HS3ST5: variants seen among roughly 807,000 people sequenced by gnomAD.
HS3ST5 encodes the protein heparan sulfate-glucosamine 3-sulfotransferase 5.
Under a neutral mutation model 25.4 loss-of-function variants are expected in HS3ST5, and 10 were observed. The observed-to-expected ratio is 0.39, with a 90% CI of 0.24 to 0.67. The LOEUF (loss-of-function observed/expected upper bound fraction) is 0.67, where lower values mean the gene tolerates loss of function less well. Among genes scored for constraint, HS3ST5 ranks in the 30% least tolerant of loss-of-function variants. HS3ST5 has a pLI of 0.44. For missense variants in HS3ST5, 324 were observed against 420.7 expected (o/e 0.77, Z 2.01); for synonymous variants, 170 against 162.4 (o/e 1.05, Z -0.36).
chr6:114,275,975 C>G (rs1191181840), intron 1 of HS3ST5, among the ~76,000 whole-genome samples: 1 of 151,848 alleles, frequency 6.6e-6, no homozygotes, highest in Non-Finnish European at 1.5e-5. Context: ...TTAGGTTGGG[C>G]CCCTTTCCCA....
chr6:114,118,460 A>T (rs1282588404), intron 3 of HS3ST5, among the ~76,000 whole-genome samples: 1 of 152,168 alleles, frequency 6.6e-6, no homozygotes, highest in Non-Finnish European at 1.5e-5. Flanking sequence ...ATGGGAGTTA[A>T]CTGCATTATA....
At chr6:114,178,612 ATTCCCCAAAGTGTT>A (rs959550688) in intron 2 of HS3ST5, 1 of 152,226 alleles carries the variant, frequency 6.6e-6, no homozygotes, top group African/African-American at 2.4e-5. Context: ...TGAAGTTTTA[ATTCCCCAAAGTGTT>A]TTAACACCTG....
chr6:114,107,850 G>A (rs1372452138), intron 3 of HS3ST5, among the ~76,000 whole-genome samples: 1 of 152,206 alleles, frequency 6.6e-6, no homozygotes, highest in Non-Finnish European at 1.5e-5. Context: ...AAAGATGCAT[G>A]TATAAATGGA....
In HS3ST5 at chr6:114,057,952, C is replaced by T. The variant is rs771687741; in HGVS notation, c.346G>A (p.Val116Ile). 1.2e-6 allele frequency: 2 copies of T among 1,614,224 alleles called. No homozygotes were observed. Among genetic ancestry groups the T allele is most frequent in the South Asian group, 2.2e-5 (2 of 91,086 alleles). The change falls in exon 5 of 5, where the codon GTA (valine) becomes ATA (isoleucine). Residue 116 changes from valine (V) to isoleucine (I), a missense_variant. Physicochemically the swap from Val to Ile is conservative, Grantham distance 29 (BLOSUM62 3). Around this residue, in one of 2 missense-constraint regions of HS3ST5, gnomAD observed 203 missense variants for 303.4 expected, o/e 0.67. Transcript: ENST00000312719. ...TGGATTTCTTGAGAGGCTTTGACTA[C>T]TGCCGGATGTAGGTTCAGCATTTCA... ...LLEMLNLHPAVVKASQEIHFF... is the reference protein window; with the variant it reads ...LLEMLNLHPAIVKASQEIHFF...
chr6:114,152,305 A>G (rs1322802986), intron 3 of HS3ST5, among the ~76,000 whole-genome samples: 2 of 152,180 alleles, frequency 1.3e-5, no homozygotes, highest in African/African-American at 4.8e-5. Flanking sequence ...AAGAAAAAGA[A>G]TTATTCCTTG....
At chr6:114,207,655 A>C (rs1432776672) in intron 2 of HS3ST5, among the ~76,000 whole-genome samples, 1 of 152,126 alleles carries the variant, frequency 6.6e-6, no homozygotes, top group African/African-American at 2.4e-5. Context: ...TTGGTTGGAC[A>C]AAAGACTCCC....
chr6:114,251,259 T>C (rs1035403751), intron 1 of HS3ST5, among the ~76,000 whole-genome samples: 16 of 152,166 alleles, frequency 1.1e-4, no homozygotes, highest in African/African-American at 3.4e-4. Context: ...TAAAATCTCA[T>C]ATGGAAGCCC....
intron 3 of HS3ST5, among the ~76,000 whole-genome samples, chr6:114,162,455 T>C (rs1582668072): frequency 6.6e-6 from 1 of 152,334 alleles, no homozygotes; most frequent in South Asian, 2.1e-4. Context: ...TATACCTGAA[T>C]TATTGCAGTA....
At chr6:114,169,172 A>G (rs73767057) in intron 2 of HS3ST5, among the ~76,000 whole-genome samples, 110 of 152,302 alleles carry the variant, frequency 7.2e-4, no homozygotes, top group African/African-American at 2.6e-3. Flanking sequence ...GTAGGACCCT[A>G]ATACATCATT....
chr6:114,152,326 CTTCT>C (rs976094171), intron 3 of HS3ST5, among the ~76,000 whole-genome samples: 6 of 152,050 alleles, frequency 3.9e-5, no homozygotes, highest in African/African-American at 1.4e-4. Context: ...CAAATTCACA[CTTCT>C]TTGTTTCAGT....
intron 1 of HS3ST5, among the ~76,000 whole-genome samples, chr6:114,281,022 G>C (rs1200607805): frequency 6.6e-6 from 1 of 151,918 alleles, no homozygotes; most frequent in Non-Finnish European, 1.5e-5. Flanking sequence ...GTTTGGCCAA[G>C]TTCTTATTAG....
chr6:114,150,452 C>G (rs894057792), intron 3 of HS3ST5, among the ~76,000 whole-genome samples: 2 of 152,198 alleles, frequency 1.3e-5, no homozygotes, highest in Admixed American at 1.3e-4. Flanking sequence ...TGACTAAATA[C>G]ATCAAAATAA....
At chr6:114,119,644 AGGG>A (rs1292573580) in intron 3 of HS3ST5, among the ~76,000 whole-genome samples, 1 of 152,206 alleles carries the variant, frequency 6.6e-6, no homozygotes, top group Non-Finnish European at 1.5e-5. Flanking sequence ...AAATTTTAAA[AGGG>A]TTTGGAACTC....
At chr6:114,244,340 G>T (rs1172980576) in intron 1 of HS3ST5, among the ~76,000 whole-genome samples, 2 of 152,196 alleles carry the variant, frequency 1.3e-5, no homozygotes, top group Non-Finnish European at 2.9e-5. Flanking sequence ...AGAGTGGACA[G>T]AATGTTCAGG....
chr6:114,192,570 G>T (rs991442688), intron 2 of HS3ST5, among the ~76,000 whole-genome samples: 6 of 152,144 alleles, frequency 3.9e-5, no homozygotes, highest in Admixed American at 3.9e-4. Context: ...ACAAAACAAG[G>T]CTTTGTCTTG....
At chr6:114,177,832 T>C (rs938877173) in intron 2 of HS3ST5, among the ~76,000 whole-genome samples, 3 of 152,218 alleles carry the variant, frequency 2.0e-5, no homozygotes, top group Non-Finnish European at 2.9e-5. Context: ...CCATGATCCA[T>C]ATAGTAAACC....
chr6:114,195,113 A>G (rs1024682870), intron 2 of HS3ST5, among the ~76,000 whole-genome samples: 1 of 152,178 alleles, frequency 6.6e-6, no homozygotes, highest in African/African-American at 2.4e-5. Context: ...CGAGAGTTTC[A>G]AGTCATTATT....
chr6:114,339,753 A>G (rs1162401151), intron 1 of HS3ST5, among the ~76,000 whole-genome samples: 1 of 152,218 alleles, frequency 6.6e-6, no homozygotes, highest in African/African-American at 2.4e-5. Context: ...GTCAACATCA[A>G]TTCTCTGAAG....
At chr6:114,074,632 TTCTAAG>T (rs1433591884) in intron 3 of HS3ST5, among the ~76,000 whole-genome samples, 3 of 152,162 alleles carry the variant, frequency 2.0e-5, no homozygotes, top group Non-Finnish European at 4.4e-5. Flanking sequence ...TTTTTGACTT[TTCTAAG>T]TCTTTCTTCC....
Sources: gnomAD v4.1 joint callset for allele counts (sites outside exome capture counted in the v4.1 genomes callset) on GRCh38, gnomAD v4.1.1 for gene constraint, gnomAD v4.1.1 regional missense constraint, MANE v1.5 for transcripts, NCBI Gene and HGNC (gene_info 2026-07-23, HGNC 2026-07-21) for gene names.